Variants in RAE1 observed in about 807,000 individuals in gnomAD.
RAE1 encodes ribonucleic acid export 1, also known as mRNA export factor RAE1.
A neutral mutation model predicts 52.7 loss-of-function variants in RAE1; 13 were observed. The ratio of observed to expected loss-of-function variants is 0.25; its 90% CI spans 0.16 to 0.39. RAE1 has a LOEUF of 0.39. Among genes scored for constraint, RAE1 ranks in the 10% least tolerant of loss-of-function variants. The pLI is 1.00. For synonymous variants in RAE1, 164 were observed against 153.1 expected (o/e 1.07, Z -0.52); for missense variants, 262 against 459.8 (o/e 0.57, Z 3.93).
chr20:57,361,152 G>A (rs1038995834), intron 4 of RAE1, among the ~76,000 whole-genome samples: 4 of 152,162 alleles, frequency 2.6e-5, no homozygotes, highest in African/African-American at 9.7e-5. Flanking sequence ...GAAATTCAGG[G>A]TCTTTAAAGT....
intron 4 of RAE1, chr20:57,359,183 G>C: frequency 2.1e-6 from 1 of 466,338 alleles, no homozygotes; most frequent in Non-Finnish European, 3.5e-6. Flanking sequence ...AAACAGGCGG[G>C]GTAAGATTTG....
At chr20:57,367,739 CAAAAAAAAAAA>C (rs374097734) in intron 7 of RAE1, among the ~76,000 whole-genome samples, 1 of 68,120 alleles carries the variant, frequency 1.5e-5, no homozygotes, top group African/African-American at 4.7e-5. Context: ...GATACTATCT[CAAAAAAAAAAA>C]AAAAAAAGGA....
chr20:57,352,956 C>T (rs1464929463), intron 1 of RAE1, among the ~76,000 whole-genome samples: 2 of 152,226 alleles, frequency 1.3e-5, no homozygotes, highest in African/African-American at 4.8e-5. Context: ...CTAAAATGTA[C>T]ATGTGCTTGT....
rs778113698 is a variant in RAE1 at position 57,358,993 on chromosome 20, A to T, written c.288+2455A>T. ...TATCCGCCTCTTCACGGATAGATCA[A>T]TTTCACTGGTTGAAAGTAAGAGACA... is the stretch of plus-strand genomic sequence containing the variant. On this transcript the variant is annotated intron_variant, in intron 4 of 11. Transcript: ENST00000395841. 56 of 1,510,156 alleles carry T rather than the reference A, an allele frequency of 3.7e-5. No homozygotes were observed. The highest frequency in any genetic ancestry group is 4.8e-5 in the Non-Finnish European group (54 of 1,133,832). 93.5% of individuals were successfully genotyped at this position (1,510,156 alleles called of 1,614,324 possible).
At chr20:57,369,046 A>G (rs1382154381) in intron 8 of RAE1, among the ~76,000 whole-genome samples, 1 of 152,232 alleles carries the variant, frequency 6.6e-6, no homozygotes, top group African/African-American at 2.4e-5. Context: ...GCTGAGTGCT[A>G]CTGAATTGTA....
At chr20:57,367,585 CA>C (rs1394676698) in intron 7 of RAE1, among the ~76,000 whole-genome samples, 1 of 151,918 alleles carries the variant, frequency 6.6e-6, no homozygotes, top group African/African-American at 2.4e-5. Context: ...TCTAAAAATA[CA>C]AAAATTAGCT....
intron 2 of RAE1, 55 bp downstream of exon 2, chr20:57,354,183 C>T: frequency 6.7e-7 from 1 of 1,491,054 alleles, no homozygotes; most frequent in Non-Finnish European, 9.3e-7. Flanking sequence ...GAGTTTCTCC[C>T]ATCAAGGACA....
intron 3 of RAE1, among the ~76,000 whole-genome samples, chr20:57,355,684 G>A (rs1174744579): frequency 6.6e-6 from 1 of 152,174 alleles, no homozygotes; most frequent in Admixed American, 6.5e-5. Flanking sequence ...TAATGGCAAT[G>A]TATAGTATGT....
intron 4 of RAE1, chr20:57,357,927 G>A (rs912477533): frequency 6.6e-6 from 1 of 152,188 alleles, no homozygotes; most frequent in Non-Finnish European, 1.5e-5. Context: ...ACTGATAGCT[G>A]GATAATAGCT....
Position 57,377,995 on chromosome 20 carries a change from G to A in RAE1, c.1021-18G>A, listed in dbSNP as rs1335980008. 5 of 1,556,916 alleles carry A rather than the reference G, an allele frequency of 3.2e-6. No individual in the cohort carries two copies. The highest frequency in any genetic ancestry group is 4.4e-6 in the Non-Finnish European group (5 of 1,137,804). On this transcript the variant is annotated intron_variant, in intron 11 of 11. Coordinates refer to ENST00000395841, the MANE Select transcript of RAE1 (RefSeq NM_003610.4). ...TCTTTTGAATAATAAGATCATTGGT[G>A]TTTTTTGCTCTCTTTAGGGACATGA...
Position 57,368,820 on chromosome 20 carries a change from A to C in RAE1, c.642+8A>C, listed in dbSNP as rs761090747. The C allele has an allele frequency of 7.5e-6, 12 of 1,596,640 alleles. No individual in the cohort carries two copies. Among genetic ancestry groups the C allele is most frequent in the Non-Finnish European group, 1.0e-5 (12 of 1,165,816 alleles). The stretch of plus-strand genomic sequence containing the variant: ...TCTCCACTGAAACATCAGGTGCGTC[A>C]TTAGTCAAATCAAGAAGTATGTATT... On this transcript the variant is annotated splice_region_variant and intron_variant, in intron 8 of 11. Coordinates refer to ENST00000395841, the MANE Select transcript of RAE1 (RefSeq NM_003610.4).
At chr20:57,374,044 G>A (rs2067075401) in intron 10 of RAE1, among the ~76,000 whole-genome samples, 1 of 152,096 alleles carries the variant, frequency 6.6e-6, no homozygotes, top group Non-Finnish European at 1.5e-5. Context: ...CAGGCGCCCA[G>A]CTAATTTTTG....
intron 3 of RAE1, among the ~76,000 whole-genome samples, chr20:57,356,157 G>A (rs1011848712): frequency 3.3e-5 from 5 of 152,178 alleles, no homozygotes; most frequent in African/African-American, 1.2e-4. Flanking sequence ...TTCTCTGAAT[G>A]GTAATGGGTA....
chr20:57,367,993 G>A (rs942006161), intron 7 of RAE1, among the ~76,000 whole-genome samples: 2 of 152,206 alleles, frequency 1.3e-5, no homozygotes, highest in East Asian at 1.9e-4. Flanking sequence ...GGGTTCAAGC[G>A]ATTCTCCTGC....
At chr20:57,355,004 G>A (rs893077515) in intron 3 of RAE1, among the ~76,000 whole-genome samples, 188 bp downstream of exon 3, 2 of 152,140 alleles carry the variant, frequency 1.3e-5, no homozygotes, top group African/African-American at 4.8e-5. Context: ...TTTTTGTTAG[G>A]AAAGCACAAT....
chr20:57,371,795 A>G (rs2067039235), intron 8 of RAE1: 1 of 152,276 alleles, frequency 6.6e-6, no homozygotes, highest in South Asian at 2.1e-4. Context: ...CCAAGTGAAC[A>G]GATAAAGAAA....
chr20:57,363,784 G>A (rs1387582647), intron 4 of RAE1, among the ~76,000 whole-genome samples: 4 of 152,226 alleles, frequency 2.6e-5, no homozygotes, highest in Non-Finnish European at 5.9e-5. Flanking sequence ...CTAAATCCTG[G>A]AGATAAAGTG....
Position 57,351,294 on chromosome 20 carries a change from A to G in RAE1, c.-136A>G. On this transcript the variant is annotated 5_prime_UTR_variant, in exon 1 of 12. Transcript: ENST00000395841. Reference sequence around the variant, plus strand: ...CAGGGCAGTTTCTACCGCAGGCTTAAGGAGGCTTCGGGCTCCTGGGATTTC... The same window carrying G: ...CAGGGCAGTTTCTACCGCAGGCTTAGGGAGGCTTCGGGCTCCTGGGATTTC... The G allele has an allele frequency of 2.0e-6, 2 of 985,480 alleles. No individual in the cohort carries two copies. Among genetic ancestry groups the G allele is most frequent in the Non-Finnish European group, 2.4e-6 (2 of 829,958 alleles). 61.0% of individuals were successfully genotyped at this position (985,480 alleles called of 1,614,324 possible). A position where few individuals can be genotyped will look rare whatever the true frequency, so the allele number is the denominator to read the frequency against.
chr20:57,361,107 A>G (rs2066885616), intron 4 of RAE1, among the ~76,000 whole-genome samples: 2 of 152,168 alleles, frequency 1.3e-5, no homozygotes, highest in Non-Finnish European at 2.9e-5. Flanking sequence ...AGAAAGAAAG[A>G]AAGAAAGAAA....
Sources: gnomAD v4.1 joint callset for allele counts (sites outside exome capture counted in the v4.1 genomes callset) on GRCh38, gnomAD v4.1.1 for gene constraint, MANE v1.5 for transcripts, NCBI Gene and HGNC (gene_info 2026-07-23, HGNC 2026-07-21) for gene names.